The following CADM2 variants were observed in gnomAD, a reference collection of about 807,000 sequenced individuals.
The protein encoded by CADM2 is cell adhesion molecule 2.
A neutral mutation model predicts 49.8 loss-of-function variants in CADM2; 12 were observed. That is an observed-to-expected ratio of 0.24 (90% CI 0.15 to 0.39). The LOEUF (loss-of-function observed/expected upper bound fraction) is 0.39, where lower values mean the gene tolerates loss of function less well. Ranked by LOEUF, CADM2 falls within the 10% of genes least tolerant of loss-of-function variation. The pLI, the probability that CADM2 is intolerant of heterozygous loss-of-function variation, is 1.00. For synonymous variants in CADM2, 214 were observed against 175.4 expected (o/e 1.22, Z -1.74); for missense variants, 378 against 492.3 (o/e 0.77, Z 2.20).
chr3:86,016,376 G>C (rs1453997632), intron 8 of CADM2, among the ~76,000 whole-genome samples: 1 of 152,024 alleles, frequency 6.6e-6, no homozygotes, highest in Non-Finnish European at 1.5e-5. Flanking sequence ...TCTCTTAAAA[G>C]TTTTCTAGAT....
intron 5 of CADM2, among the ~76,000 whole-genome samples, chr3:85,898,641 C>A (rs1353843489): frequency 6.7e-6 from 1 of 149,112 alleles, no homozygotes; most frequent in African/African-American, 2.5e-5. Flanking sequence ...TACATAGTTT[C>A]TTCTCTGTTT....
chr3:85,366,347 T>C (rs1321359282), intron 1 of CADM2, among the ~76,000 whole-genome samples: 1 of 152,156 alleles, frequency 6.6e-6, no homozygotes, highest in Non-Finnish European at 1.5e-5. Flanking sequence ...TGCGGAGATT[T>C]TGGTGTTTTA....
At chr3:85,948,661 C>T (rs1723032584) in intron 7 of CADM2, among the ~76,000 whole-genome samples, 1 of 150,904 alleles carries the variant, frequency 6.6e-6, no homozygotes, top group Non-Finnish European at 1.5e-5. Context: ...TAACCTCAAT[C>T]CAGGTATACA....
intron 1 of CADM2, among the ~76,000 whole-genome samples, chr3:85,357,716 A>G (rs1429539184): frequency 6.6e-6 from 1 of 152,040 alleles, no homozygotes; most frequent in African/African-American, 2.4e-5. Context: ...CAGGGCCTGG[A>G]AGGTAAGATA....
In CADM2 at chr3:85,985,050, T is replaced by A. The variant is rs543070698; in HGVS notation, c.970+23403T>A. On this transcript the variant is annotated intron_variant, in intron 8 of 9. Transcript: ENST00000383699. Reference sequence around the variant, plus strand: ...ACAACATTTTAAGATGTGTACTCAATTCTTAACAATTTAATTGTGCATTAG... The same window carrying A: ...ACAACATTTTAAGATGTGTACTCAAATCTTAACAATTTAATTGTGCATTAG... 1.6e-4 allele frequency among the ~76,000 whole-genome samples: 25 copies of A among 152,118 alleles called. No individual in the cohort carries two copies. In the South Asian group the frequency reaches 5.2e-3, roughly 32 times the overall value.
intron 1 of CADM2, among the ~76,000 whole-genome samples, chr3:85,009,746 G>C (rs1282833688): frequency 6.6e-6 from 1 of 151,794 alleles, no homozygotes; most frequent in African/African-American, 2.4e-5. Context: ...TGCACCTGTA[G>C]TCCCAGTTAC....
chr3:85,394,574 G>A (rs1341708027), intron 1 of CADM2, among the ~76,000 whole-genome samples: 1 of 152,052 alleles, frequency 6.6e-6, no homozygotes, highest in Non-Finnish European at 1.5e-5. Flanking sequence ...TTTAAAAAAA[G>A]CTTTCAGTTG....
chr3:85,639,131 A>C (rs2064620805), intron 1 of CADM2, among the ~76,000 whole-genome samples: 1 of 152,198 alleles, frequency 6.6e-6, no homozygotes. Context: ...CATTATTTTA[A>C]ATTTATTAAC....
At chr3:85,262,351 T>C (rs2043031484) in intron 1 of CADM2, among the ~76,000 whole-genome samples, 1 of 152,088 alleles carries the variant, frequency 6.6e-6, no homozygotes, top group Non-Finnish European at 1.5e-5. Context: ...ATGATATGCC[T>C]TTTCTGACAT....
At chr3:85,387,925 G>A (rs146939893) in intron 1 of CADM2, among the ~76,000 whole-genome samples, 3 of 152,182 alleles carry the variant, frequency 2.0e-5, no homozygotes, top group African/African-American at 7.2e-5. Flanking sequence ...ATCTTTAGTT[G>A]CTGAAGAAAC....
At chr3:85,190,458 A>G (rs2041182224) in intron 1 of CADM2, among the ~76,000 whole-genome samples, 1 of 151,884 alleles carries the variant, frequency 6.6e-6, no homozygotes. Flanking sequence ...TGAAATTGGT[A>G]CTCTTGGCCA....
chr3:85,455,930 A>C (rs1181272070), intron 1 of CADM2, among the ~76,000 whole-genome samples: 2 of 152,194 alleles, frequency 1.3e-5, no homozygotes, highest in Non-Finnish European at 2.9e-5. Flanking sequence ...TAAATTACCC[A>C]AAATAACACA....
intron 1 of CADM2, among the ~76,000 whole-genome samples, chr3:85,653,257 G>A (rs2065108442): frequency 6.7e-6 from 1 of 149,610 alleles, no homozygotes; most frequent in Non-Finnish European, 1.5e-5. Flanking sequence ...AAGGAGGGGA[G>A]CCATAGGAGG....
chr3:85,356,119 C>T (rs1208410449), intron 1 of CADM2, among the ~76,000 whole-genome samples: 1 of 152,072 alleles, frequency 6.6e-6, no homozygotes, highest in Non-Finnish European at 1.5e-5. Context: ...TGCCAACCCT[C>T]ACTAGCTGCC....
chr3:84,963,383 C>G (rs1465771722), intron 1 of CADM2, among the ~76,000 whole-genome samples: 1 of 152,068 alleles, frequency 6.6e-6, no homozygotes, highest in Non-Finnish European at 1.5e-5. Flanking sequence ...GAGAGAATGC[C>G]CTGGGTAGCA....
chr3:85,781,462 C>T (rs145546821), intron 2 of CADM2, among the ~76,000 whole-genome samples: 1,575 of 152,220 alleles, frequency 0.01, 29 homozygotes, highest in African/African-American at 0.034. Flanking sequence ...GCCATGAACA[C>T]AATGGAGAGT....
At chr3:85,401,295 G>C (rs1046873439) in intron 1 of CADM2, among the ~76,000 whole-genome samples, 3 of 152,198 alleles carry the variant, frequency 2.0e-5, no homozygotes, top group Admixed American at 6.5e-5. Context: ...CAGTGTCTTA[G>C]TAGACGGTCA....
At chr3:84,973,804 G>T (rs971380379) in intron 1 of CADM2, among the ~76,000 whole-genome samples, 1 of 151,940 alleles carries the variant, frequency 6.6e-6, no homozygotes, top group East Asian at 1.9e-4. Context: ...TAAAACTCCC[G>T]CCTTGCTTAT....
At chr3:85,614,921 T>A (rs1004127383) in intron 1 of CADM2, among the ~76,000 whole-genome samples, 1 of 151,980 alleles carries the variant, frequency 6.6e-6, no homozygotes, top group Non-Finnish European at 1.5e-5. Context: ...TTCATATAAA[T>A]GTTAAAATAA....
Sources: gnomAD v4.1 joint callset for allele counts (sites outside exome capture counted in the v4.1 genomes callset) on GRCh38, gnomAD v4.1.1 for gene constraint, MANE v1.5 for transcripts, NCBI Gene and HGNC (gene_info 2026-07-23, HGNC 2026-07-21) for gene names.